SOBP: variants seen among roughly 807,000 people sequenced by gnomAD.
The protein encoded by SOBP is sine oculis binding protein homolog, also known as sine oculis-binding protein homolog.
In SOBP, 4 loss-of-function variants were observed where a neutral mutation model predicts 53.6. The ratio of observed to expected loss-of-function variants is 0.07; its 90% CI spans 0.04 to 0.17. SOBP has a LOEUF of 0.17. Ranked by LOEUF, SOBP falls within the 10% of genes least tolerant of loss-of-function variation. The pLI, the probability that SOBP is intolerant of heterozygous loss-of-function variation, is 1.00. For synonymous variants in SOBP, 584 were observed against 522.6 expected (o/e 1.12, Z -1.60); for missense variants, 1,088 against 1,204.7 (o/e 0.90, Z 1.43).
At chr6:107,501,800 C>G (rs1048546882) in intron 1 of SOBP, among the ~76,000 whole-genome samples, 15 of 152,140 alleles carry the variant, frequency 9.9e-5, no homozygotes, top group Non-Finnish European at 1.9e-4. Context: ...CAGTCCTCCT[C>G]AGTGATATTC....
Position 107,635,721 on chromosome 6 carries a change from T to C in SOBP, c.*3+252T>C, listed in dbSNP as rs1339437516. Reference sequence around the variant, plus strand: ...GAGTGCCAAGCCCCGGGTCACTTACTTGAGGGGAGAGCTCAGTCTCCAACC... The same window carrying C: ...GAGTGCCAAGCCCCGGGTCACTTACCTGAGGGGAGAGCTCAGTCTCCAACC... On this transcript the variant is annotated intron_variant, in intron 6 of 6. Transcript: ENST00000317357. The surrounding 1 kb of genome is among the most constrained non-coding windows in gnomAD (Gnocchi z 4.5). Among the ~76,000 whole-genome samples, 1 of 152,196 alleles carries C rather than the reference T, an allele frequency of 6.6e-6. No homozygotes were observed. The highest frequency in any genetic ancestry group is 1.5e-5 in the Non-Finnish European group (1 of 68,044).
intron 5 of SOBP, among the ~76,000 whole-genome samples, chr6:107,618,416 C>T (rs1395808513): frequency 2.6e-5 from 4 of 152,126 alleles, no homozygotes; most frequent in African/African-American, 9.7e-5. Context: ...CCCTTTAGGA[C>T]ATATGTGTCA....
At position 107,633,564 on chromosome 6, in the gene SOBP, T is replaced by G; in HGVS notation, c.720T>G (p.Phe240Leu). Reference protein sequence around the residue: ...HIRHTKEYLDFGDGERRLQFC... With the variant: ...HIRHTKEYLDLGDGERRLQFC... ...GACACACAAAAGAATACCTGGATTT[T>G]GGGGACGGGGAAAGAAGGCTTCAGT... is the stretch of plus-strand genomic sequence containing the variant. Residue 240 changes from phenylalanine (F) to leucine (L), a missense_variant, in exon 6 of 7, where the codon TTT (phenylalanine) becomes TTG (leucine). Physicochemically the swap from Phe to Leu is conservative, Grantham distance 22 (BLOSUM62 0). Transcript: ENST00000317357. 6.2e-7 allele frequency: 1 copy of G among 1,614,256 alleles called. No individual in the cohort carries two copies.
intron 4 of SOBP, among the ~76,000 whole-genome samples, chr6:107,574,564 G>C (rs1785169255): frequency 6.6e-6 from 1 of 152,124 alleles, no homozygotes; most frequent in Non-Finnish European, 1.5e-5. Context: ...TGAGCCCTCT[G>C]GTGAGAAGTC....
chr6:107,576,219 A>G (rs1370134009), intron 4 of SOBP, among the ~76,000 whole-genome samples: 1 of 152,218 alleles, frequency 6.6e-6, no homozygotes, highest in Admixed American at 6.5e-5. Flanking sequence ...GTGTCGCCTC[A>G]TCTTCCTCCT....
intron 5 of SOBP, among the ~76,000 whole-genome samples, chr6:107,606,550 C>T (rs1786390131): frequency 6.6e-6 from 1 of 152,180 alleles, no homozygotes; most frequent in African/African-American, 2.4e-5. Context: ...GATGTCTGAG[C>T]TTTAGGGCTC....
chr6:107,588,550 T>C (rs1785639507), intron 5 of SOBP, among the ~76,000 whole-genome samples: 1 of 152,248 alleles, frequency 6.6e-6, no homozygotes, highest in Non-Finnish European at 1.5e-5. Context: ...GTAACTATGA[T>C]TATTCAGCAG....
chr6:107,630,091 G>A (rs1770641594), intron 5 of SOBP, among the ~76,000 whole-genome samples: 2 of 152,164 alleles, frequency 1.3e-5, no homozygotes, highest in Admixed American at 1.3e-4. Flanking sequence ...GAGAGAAGTG[G>A]AACCAAAGAG....
At chr6:107,624,036 A>G (rs1289056710) in intron 5 of SOBP, among the ~76,000 whole-genome samples, 1 of 152,244 alleles carries the variant, frequency 6.6e-6, no homozygotes, top group East Asian at 1.9e-4. Flanking sequence ...CAAGCTTGGA[A>G]TATAACGAAG....
chr6:107,508,026 G>A (rs1783047513), intron 3 of SOBP, among the ~76,000 whole-genome samples: 1 of 151,958 alleles, frequency 6.6e-6, no homozygotes, highest in Admixed American at 6.6e-5. Flanking sequence ...TTGTAACGCT[G>A]GTTATTTTTC....
At chr6:107,608,834 G>T (rs1786485539) in intron 5 of SOBP, among the ~76,000 whole-genome samples, 1 of 152,232 alleles carries the variant, frequency 6.6e-6, no homozygotes, top group Admixed American at 6.5e-5. Flanking sequence ...TCGAAGAGGG[G>T]TCCCAAGGAG....
In SOBP at chr6:107,555,100, C is replaced by T. The variant is rs540233332; in HGVS notation, c.573+21490C>T. On this transcript the variant is annotated intron_variant, in intron 4 of 6. Transcript: ENST00000317357. ...AATTTGGAAGTCATTTTCCTTCCAT[C>T]TGTCTGAAGTAGACTGTGCTCTAAA... 2.6e-5 allele frequency among the ~76,000 whole-genome samples: 4 copies of T among 152,080 alleles called. No homozygotes were observed. The South Asian group carries it at 8.3e-4, about 32-fold the overall frequency.
intron 2 of SOBP, among the ~76,000 whole-genome samples, chr6:107,504,552 G>A (rs1457120359): frequency 6.6e-6 from 1 of 152,176 alleles, no homozygotes; most frequent in Non-Finnish European, 1.5e-5. Flanking sequence ...AGAGAAGTAT[G>A]TGAAGAAGCA....
intron 4 of SOBP, among the ~76,000 whole-genome samples, chr6:107,556,591 C>T (rs1357418274): frequency 1.3e-5 from 2 of 152,204 alleles, no homozygotes; most frequent in African/African-American, 4.8e-5. Context: ...ATTGGCTTGA[C>T]AAAATGGCAT....
intron 1 of SOBP, among the ~76,000 whole-genome samples, chr6:107,495,912 C>T (rs1289981741): frequency 6.6e-6 from 1 of 151,872 alleles, no homozygotes; most frequent in Admixed American, 6.6e-5. Flanking sequence ...AATGGGAATT[C>T]AGCCACACTT....
intron 1 of SOBP, among the ~76,000 whole-genome samples, chr6:107,503,040 G>T (rs146550879): frequency 6.6e-6 from 1 of 152,124 alleles, no homozygotes; most frequent in African/African-American, 2.4e-5. Context: ...GATTACAGGC[G>T]TGAGCCACCG....
intron 4 of SOBP, among the ~76,000 whole-genome samples, chr6:107,540,734 G>A (rs1784127610): frequency 6.6e-6 from 1 of 152,164 alleles, no homozygotes; most frequent in African/African-American, 2.4e-5. Context: ...TCGATGGCTG[G>A]GGATGGAAGT....
In SOBP at chr6:107,660,761, A is replaced by G. The variant is rs577743161; in HGVS notation, c.*2558A>G. ...TCTACATATGAAAAAACAGAAGCCTAGAAAAGCAACTCGACCTGTTCAGAG... is the reference window on the plus strand; with the variant it reads ...TCTACATATGAAAAAACAGAAGCCTGGAAAAGCAACTCGACCTGTTCAGAG... On this transcript the variant is annotated 3_prime_UTR_variant, in exon 7 of 7. Transcript: ENST00000317357. 7.0e-4 allele frequency among the ~76,000 whole-genome samples: 106 copies of G among 152,346 alleles called. 2 individuals carry two copies. In the South Asian group the frequency reaches 0.021, roughly 30 times the overall value.
chr6:107,569,766 C>T (rs1236570823), intron 4 of SOBP, among the ~76,000 whole-genome samples: 2 of 152,188 alleles, frequency 1.3e-5, no homozygotes, highest in Non-Finnish European at 2.9e-5. Context: ...CTCGAGGTGC[C>T]CCTGCCAAAA....
Sources: gnomAD v4.1 joint callset for allele counts (sites outside exome capture counted in the v4.1 genomes callset) on GRCh38, gnomAD v4.1.1 for gene constraint, Gnocchi (gnomAD v3.1) non-coding constraint, MANE v1.5 for transcripts, NCBI Gene and HGNC (gene_info 2026-07-23, HGNC 2026-07-21) for gene names.